The following IDE variants were observed in gnomAD, a reference collection of about 807,000 sequenced individuals.
The protein encoded by IDE is insulin-degrading enzyme.
Under a neutral mutation model 133.2 loss-of-function variants are expected in IDE, and 58 were observed. The observed-to-expected ratio is 0.44, with a 90% CI of 0.35 to 0.54. The LOEUF (loss-of-function observed/expected upper bound fraction) is 0.54, where lower values mean the gene tolerates loss of function less well. Ranked by LOEUF, IDE falls within the 20% of genes least tolerant of loss-of-function variation. The pLI is 0.00. For missense variants in IDE, 981 were observed against 1,234.0 expected (o/e 0.79, Z 3.07); for synonymous variants, 396 against 421.3 (o/e 0.94, Z 0.73).
At chr10:92,465,869 C>G in intron 19 of IDE, 26 bp from the exon 20 acceptor site, 1 of 1,611,378 alleles carries the variant, frequency 6.2e-7, no homozygotes, top group Non-Finnish European at 8.5e-7. Context: ...AAGACAGCAG[C>G]AAGTTCAAAA....
chr10:92,538,280 C>T (rs760448958), intron 1 of IDE, among the ~76,000 whole-genome samples: 2 of 152,198 alleles, frequency 1.3e-5, no homozygotes, highest in African/African-American at 2.4e-5. Context: ...ACTGCTCAAA[C>T]TGATGATATT....
At chr10:92,456,959 G>A (rs936237112) in intron 22 of IDE, among the ~76,000 whole-genome samples, 3 of 149,850 alleles carry the variant, frequency 2.0e-5, no homozygotes, top group Non-Finnish European at 3.0e-5. Context: ...AGCAAGGCAC[G>A]CAAGAATTAT....
At chr10:92,491,692 C>CCT (rs1847354672) in intron 11 of IDE, among the ~76,000 whole-genome samples, 1 of 151,582 alleles carries the variant, frequency 6.6e-6, no homozygotes, top group Non-Finnish European at 1.5e-5. Context: ...CTCACTGCAA[C>CCT]CTCTGCCTCC....
chr10:92,538,970 C>T (rs1351404522), intron 1 of IDE, among the ~76,000 whole-genome samples: 3 of 152,086 alleles, frequency 2.0e-5, no homozygotes, highest in Middle Eastern at 3.4e-3. Context: ...TAGATTTAAA[C>T]GTAAGTAAGA....
At chr10:92,464,736 T>A (rs1845582200) in intron 20 of IDE, among the ~76,000 whole-genome samples, 1 of 152,184 alleles carries the variant, frequency 6.6e-6, no homozygotes, top group Admixed American at 6.5e-5. Flanking sequence ...AGTGGCACGA[T>A]CTCCGCTCAC....
intron 5 of IDE, among the ~76,000 whole-genome samples, chr10:92,510,895 A>G (rs1044033689): frequency 6.7e-6 from 1 of 150,300 alleles, no homozygotes; most frequent in Non-Finnish European, 1.5e-5. Context: ...CACATATATC[A>G]TATATATGAT....
At chr10:92,506,545 T>G in intron 9 of IDE, 23 bp from the exon 10 acceptor site, 1 of 1,240,564 alleles carries the variant, frequency 8.1e-7, no homozygotes, top group Non-Finnish European at 1.2e-6. Context: ...GTTAATCCAA[T>G]TAGATACGGC....
At chr10:92,497,433 A>C (rs1037096627) in intron 11 of IDE, among the ~76,000 whole-genome samples, 1 of 152,218 alleles carries the variant, frequency 6.6e-6, no homozygotes, top group Non-Finnish European at 1.5e-5. Context: ...ACTGCAGAAC[A>C]GATACACAGT....
intron 1 of IDE, among the ~76,000 whole-genome samples, chr10:92,551,463 G>C (rs754425211): frequency 7.9e-5 from 12 of 151,364 alleles, no homozygotes; most frequent in Non-Finnish European, 1.5e-4. Flanking sequence ...AGATACTCAG[G>C]AGGCTGAGGC....
intron 5 of IDE, among the ~76,000 whole-genome samples, chr10:92,510,806 CAT>C (rs1439580013): frequency 1.3e-5 from 2 of 150,254 alleles, no homozygotes; most frequent in African/African-American, 4.9e-5. Context: ...ATAGCACATA[CAT>C]ATCACATATA....
intron 22 of IDE, among the ~76,000 whole-genome samples, chr10:92,459,974 C>A (rs1202921802): frequency 1.3e-5 from 2 of 151,792 alleles, no homozygotes; most frequent in African/African-American, 4.8e-5. Flanking sequence ...GGATTACAGG[C>A]ACCCGCCACC....
At chr10:92,542,222 T>C (rs921800592) in intron 1 of IDE, among the ~76,000 whole-genome samples, 2 of 152,170 alleles carry the variant, frequency 1.3e-5, no homozygotes, top group African/African-American at 4.8e-5. Flanking sequence ...AGGCACAATC[T>C]TGGTTCACTA....
intron 14 of IDE, 127 bp from the exon 15 acceptor site, chr10:92,479,548 G>A (rs1589392468): frequency 1.4e-6 from 1 of 720,392 alleles, no homozygotes; most frequent in Non-Finnish European, 2.3e-6. Flanking sequence ...TTGAATTCTT[G>A]AGGCTATTTC....
chr10:92,477,033 G>A (rs1343193333), intron 15 of IDE, among the ~76,000 whole-genome samples: 1 of 152,016 alleles, frequency 6.6e-6, no homozygotes, highest in Non-Finnish European at 1.5e-5. Flanking sequence ...ACCGTGCCAG[G>A]CAGGATCCAC....
In IDE at chr10:92,478,860, C is replaced by T. The variant is rs560852112; in HGVS notation, c.1884+417G>A. On this transcript the variant is annotated intron_variant, in intron 15 of 24. Coordinates refer to ENST00000265986, the MANE Select transcript of IDE (RefSeq NM_004969.4). ...TGGCATGGTAATGAAGAAACATGAC[C>T]GAAGAGTATGGATATGCAGCCTCAT... 9.3e-5 allele frequency: 73 copies of T among 786,924 alleles called. No individual in the cohort carries two copies. The African/African-American group carries it at 1.2e-3, about 13-fold the overall frequency. The allele number at this position is 786,924 out of a possible 1,614,324, so 48.7% of individuals were successfully genotyped here. A position where few individuals can be genotyped will look rare whatever the true frequency, so the allele number is the denominator to read the frequency against.
intron 1 of IDE, among the ~76,000 whole-genome samples, chr10:92,573,446 C>A (rs925494952): frequency 9.8e-5 from 15 of 152,364 alleles, no homozygotes; most frequent in African/African-American, 3.6e-4. Context: ...GTCCTGGAAA[C>A]TCAGTGCCCG....
At chr10:92,519,967 G>A (rs1849133431) in intron 4 of IDE, among the ~76,000 whole-genome samples, 1 of 152,164 alleles carries the variant, frequency 6.6e-6, no homozygotes, top group Non-Finnish European at 1.5e-5. Context: ...AGCCAGGCAT[G>A]GTGGTGGTCA....
chr10:92,458,979 G>T (rs146222821), intron 22 of IDE, among the ~76,000 whole-genome samples: 9 of 152,256 alleles, frequency 5.9e-5, no homozygotes, highest in African/African-American at 2.2e-4. Flanking sequence ...TGCAAAGGAA[G>T]CCATGAGGTA....
chr10:92,472,278 T>G (rs1846006497), intron 17 of IDE, among the ~76,000 whole-genome samples: 1 of 152,256 alleles, frequency 6.6e-6, no homozygotes, highest in East Asian at 1.9e-4. Context: ...TGACCTAGAT[T>G]CTAACGAAGG....
Sources: allele counts gnomAD v4.1 joint callset (sites outside exome capture counted in the v4.1 genomes callset), GRCh38; gene constraint gnomAD v4.1.1; transcripts MANE v1.5; gene names NCBI Gene and HGNC (gene_info 2026-07-23, HGNC 2026-07-21).